NAV2: variants seen among roughly 807,000 people sequenced by gnomAD.
NAV2 encodes the protein helicase, APC down-regulated 1.
In NAV2, 54 loss-of-function variants were observed where a neutral mutation model predicts 223.2. The ratio of observed to expected loss-of-function variants is 0.24; its 90% confidence interval spans 0.19 to 0.30. The LOEUF is 0.30. Ranked by LOEUF, NAV2 falls within the 10% of genes least tolerant of loss-of-function variation. NAV2 has a pLI of 1.00. For missense variants in NAV2, 2,806 were observed against 3,147.5 expected, an observed-to-expected ratio of 0.89 and a Z score of 2.60; for synonymous variants, 1,279 against 1,239.3, an observed-to-expected ratio of 1.03 and a Z score of -0.67.
chr11:19,478,232 G>A (rs761114953), intron 1 of NAV2, among the ~76,000 whole-genome samples: 2 of 152,126 alleles, frequency 1.3e-5, no homozygotes, highest in Non-Finnish European at 2.9e-5. Context: ...ATTCAAATAT[G>A]GGCAGCAGAA....
intron 1 of NAV2, chr11:19,777,584 C>G (rs1007819345): frequency 8.8e-6 from 4 of 453,762 alleles, no homozygotes; most frequent in Admixed American, 4.7e-5. Context: ...ACCCCGCCCC[C>G]CATCCCCTTT....
intron 3 of NAV2, among the ~76,000 whole-genome samples, chr11:19,865,421 GAAAC>G (rs1468849249): frequency 6.6e-6 from 1 of 152,184 alleles, no homozygotes. Flanking sequence ...CTGGATCAAA[GAAAC>G]AATCTCCCTT....
At chr11:19,926,942 G>A (rs778296972) in intron 6 of NAV2, among the ~76,000 whole-genome samples, 1 of 152,238 alleles carries the variant, frequency 6.6e-6, no homozygotes, top group African/African-American at 2.4e-5. Flanking sequence ...AGAGACCTGG[G>A]GCCAGTGTCC....
intron 1 of NAV2, among the ~76,000 whole-genome samples, chr11:19,680,489 T>C (rs1039751065): frequency 1.2e-4 from 19 of 152,146 alleles, no homozygotes; most frequent in African/African-American, 4.6e-4. Context: ...GAATGAGTGC[T>C]GGGGAACTGT....
Position 19,628,899 on chromosome 11 carries a change from G to A in NAV2, c.76-203585G>A, listed in dbSNP as rs1009327066. Among the ~76,000 whole-genome samples the A allele has an allele frequency of 9.9e-5, 15 of 151,998 alleles. 1 individual carries two copies. Among genetic ancestry groups the A allele is most frequent in the African/African-American group, 7.2e-5 (3 of 41,380 alleles). The stretch of plus-strand genomic sequence containing the variant: ...CTACTCTGAGAGGCGCTCCCTCCCC[G>A]GTACTCCCATGGAGTTCACCTGCCA... On this transcript the variant is annotated intron_variant, in intron 1 of 37. Coordinates refer to the NAV2 transcript ENST00000360655.
intron 22 of NAV2, among the ~76,000 whole-genome samples, chr11:20,072,364 G>C (rs1337623861): frequency 1.3e-5 from 2 of 152,184 alleles, no homozygotes; most frequent in Non-Finnish European, 2.9e-5. Flanking sequence ...TTTGAAGTCA[G>C]TGTGATGTCT....
In NAV2 at chr11:20,054,938, G is replaced by A. The variant is rs555934546; in HGVS notation, c.4642+698G>A. ...TGTAAAAGCTGAATATAATTAGATAGCAAGCATTAGACACATTTAGAAAAA... is the reference window on the plus strand; with the variant it reads ...TGTAAAAGCTGAATATAATTAGATAACAAGCATTAGACACATTTAGAAAAA... On this transcript the variant is annotated intron_variant, in intron 18 of 37. Transcript: ENST00000349880. Among the ~76,000 whole-genome samples, 44 of 152,320 alleles carry A rather than the reference G, an allele frequency of 2.9e-4. 1 individual carries two copies. The highest frequency in any genetic ancestry group is 5.4e-4 in the Non-Finnish European group (37 of 68,034).
At chr11:20,063,115 A>T (rs934713382) in intron 20 of NAV2, among the ~76,000 whole-genome samples, 1 of 152,226 alleles carries the variant, frequency 6.6e-6, no homozygotes, top group African/African-American at 2.4e-5. Flanking sequence ...CTAGACAAGG[A>T]CATTTTTGTT....
intron 1 of NAV2, among the ~76,000 whole-genome samples, chr11:19,686,424 G>A (rs901756446): frequency 2.6e-5 from 4 of 152,194 alleles, no homozygotes; most frequent in Non-Finnish European, 5.9e-5. Context: ...AGAGTCTCAT[G>A]TTTCCCTCAA....
At chr11:20,114,023 A>T (rs1378565300) in intron 36 of NAV2, among the ~76,000 whole-genome samples, 2 of 152,140 alleles carry the variant, frequency 1.3e-5, no homozygotes, top group African/African-American at 4.8e-5. Flanking sequence ...TACAAAATCA[A>T]AGTAAATATT....
chr11:19,880,184 A>G (rs989694731), intron 5 of NAV2, 57 bp downstream of exon 5: 6 of 1,489,062 alleles, frequency 4.0e-6, no homozygotes, highest in African/African-American at 1.4e-5. Context: ...CTCCACCCCA[A>G]CCAATCTCTA....
chr11:19,925,472 C>A (rs569753718), intron 6 of NAV2, among the ~76,000 whole-genome samples: 3 of 152,108 alleles, frequency 2.0e-5, no homozygotes, highest in Non-Finnish European at 4.4e-5. Context: ...GAATCCAGGC[C>A]GGGTGTGGTG....
At chr11:20,015,268 A>G (rs1305230102) in intron 11 of NAV2, among the ~76,000 whole-genome samples, 2 of 151,914 alleles carry the variant, frequency 1.3e-5, no homozygotes, top group Non-Finnish European at 2.9e-5. Context: ...ATCTGCTGCT[A>G]CTCCTTATGG....
rs1185586942 is a variant in NAV2 at position 19,892,470 on chromosome 11, C to G, written c.807C>G (p.Gly269=). 1 of 1,614,134 alleles carries G rather than the reference C, an allele frequency of 6.2e-7. No individual in the cohort carries two copies. The part of the protein sequence containing the change: ...PGPTARVSAA[G]SEAKTRGGST... ...CTACCGCGAGGGTATCCGCTGCAGG[C>G]AGCGAGGCCAAAACACGCGGAGGGT... The change falls in exon 6 of 38, where the codon GGC becomes GGG. Residue 269 remains glycine, a synonymous_variant. Transcript: ENST00000349880.
chr11:20,016,823 C>G (rs934788766), intron 11 of NAV2, among the ~76,000 whole-genome samples: 13 of 123,030 alleles, frequency 1.1e-4, no homozygotes, highest in African/African-American at 3.1e-4. Flanking sequence ...TGGCAAAACC[C>G]TGTCTACTAA....
chr11:19,870,813 A>G (rs909869195), intron 4 of NAV2, among the ~76,000 whole-genome samples: 2 of 152,198 alleles, frequency 1.3e-5, no homozygotes, highest in African/African-American at 2.4e-5. Context: ...TGGCAGAGCC[A>G]GGATTTACAC....
intron 1 of NAV2, among the ~76,000 whole-genome samples, chr11:19,358,506 T>G (rs1043245338): frequency 6.6e-6 from 1 of 152,170 alleles, no homozygotes; most frequent in Non-Finnish European, 1.5e-5. Flanking sequence ...AAAGATAAAG[T>G]TACCCAAAGC....
At chr11:19,648,575 T>G (rs1442409254) in intron 1 of NAV2, among the ~76,000 whole-genome samples, 2 of 152,150 alleles carry the variant, frequency 1.3e-5, no homozygotes, top group Non-Finnish European at 2.9e-5. Context: ...GGATGGCTCT[T>G]ATGTTTGTTG....
rs1565315820 is a variant in NAV2 at position 19,787,268 on chromosome 11, A to ATTT, written c.268-45215_268-45214insTTT. Among the ~76,000 whole-genome samples the ATTT allele has an allele frequency of 3.4e-4, 10 of 29,400 alleles. 1 individual carries two copies. The highest frequency in any genetic ancestry group is 1.2e-3 in the African/African-American group (9 of 7,398). 19.3% of individuals were successfully genotyped at this position (29,400 alleles called of 152,430 possible). A position where few individuals can be genotyped will look rare whatever the true frequency, so the allele number is the denominator to read the frequency against. On this transcript the variant is annotated intron_variant, in intron 1 of 37. Transcript: ENST00000349880. ...AACATGCCTGGCTAATTTTTATTGG[A>ATTT]TCTTTTTTTTTTTTTTTTTTTTTTT...
Sources: allele counts gnomAD v4.1 joint callset (sites outside exome capture counted in the v4.1 genomes callset), GRCh38; gene constraint gnomAD v4.1.1; transcripts MANE v1.5; gene names NCBI Gene and HGNC (gene_info 2026-07-23, HGNC 2026-07-21).